The following PTPN3 variants were observed in gnomAD, a reference collection of about 807,000 sequenced individuals.
The protein encoded by PTPN3 is tyrosine-protein phosphatase non-receptor type 3.
Under a neutral mutation model 132.7 loss-of-function variants are expected in PTPN3, and 96 were observed. The ratio of observed to expected loss-of-function variants is 0.72; its 90% confidence interval spans 0.61 to 0.86. The LOEUF (loss-of-function observed/expected upper bound fraction) is 0.86, where lower values mean the gene tolerates loss of function less well. Ranked by LOEUF, PTPN3 falls within the 40% of genes least tolerant of loss-of-function variation. The pLI is 0.00. For synonymous variants in PTPN3, 398 were observed against 429.0 expected, an observed-to-expected ratio of 0.93 and a Z score of 0.89; for missense variants, 1,125 against 1,159.6, an observed-to-expected ratio of 0.97 and a Z score of 0.43.
chr9:109,383,401 T>G (rs1435766810), intron 23 of PTPN3, 22 bp downstream of exon 23: 23 of 1,613,720 alleles, frequency 1.4e-5, no homozygotes, highest in Non-Finnish European at 1.7e-5. Flanking sequence ...CCCTCCACCG[T>G]GCCCCTCAGG....
chr9:109,463,729 T>A (rs2132049518), intron 1 of PTPN3, among the ~76,000 whole-genome samples: 1 of 152,372 alleles, frequency 6.6e-6, no homozygotes, highest in South Asian at 2.1e-4. Context: ...CCCAGGCTTT[T>A]AAATTTTTAT....
At chr9:109,522,190 C>A in the PTPN3 span, among the ~76,000 whole-genome samples, 3 of 152,220 alleles carry the variant, frequency 2.0e-5, no homozygotes, top group African/African-American at 4.8e-5. Context: ...ACCAGGAGGG[C>A]AGCTATCTAG....
chr9:109,430,633 C>T (rs1216245168), intron 10 of PTPN3, among the ~76,000 whole-genome samples: 1 of 152,174 alleles, frequency 6.6e-6, no homozygotes, highest in African/African-American at 2.4e-5. Flanking sequence ...CCACTGCCAT[C>T]CAGAGGCTTA....
the PTPN3 span, among the ~76,000 whole-genome samples, chr9:109,508,164 CTT>C: frequency 6.7e-3 from 970 of 143,726 alleles, 12 homozygotes; most frequent in African/African-American, 0.021. Flanking sequence ...TTCTCTCTCT[CTT>C]TTTTTTTTTT....
chr9:109,433,854 G>A (rs980350995), intron 9 of PTPN3, among the ~76,000 whole-genome samples: 1 of 150,268 alleles, frequency 6.7e-6, no homozygotes, highest in African/African-American at 2.5e-5. Context: ...GCTGTTTGAG[G>A]CTGCAGTGAG....
At chr9:109,467,539 G>A (rs896124292) in intron 1 of PTPN3, among the ~76,000 whole-genome samples, 4 of 152,160 alleles carry the variant, frequency 2.6e-5, no homozygotes, top group African/African-American at 9.7e-5. Flanking sequence ...CGGAATCTAA[G>A]CCATGCACTA....
At chr9:109,526,625 C>T in the PTPN3 span, among the ~76,000 whole-genome samples, 1,153 of 152,130 alleles carry the variant, frequency 7.6e-3, 10 homozygotes, top group African/African-American at 0.026. Flanking sequence ...CAGTGGGCTG[C>T]GTTCATGCCA....
At chr9:109,498,466 G>C (rs1239478124), upstream of PTPN3, among the ~76,000 whole-genome samples, 3 of 151,614 alleles carry the variant, frequency 2.0e-5, no homozygotes, top group African/African-American at 7.2e-5. This position sits in a 1 kb window ranked among gnomAD's most constrained non-coding sequence, Gnocchi z 4.2. Flanking sequence ...GGGGCACCGG[G>C]GCTCTCCGCC....
intron 14 of PTPN3, among the ~76,000 whole-genome samples, chr9:109,411,169 G>A (rs982171278): frequency 6.6e-6 from 1 of 152,228 alleles, no homozygotes; most frequent in East Asian, 1.9e-4. Context: ...AGGAAGTCCT[G>A]CTGGACAGCG....
At chr9:109,536,356 A>G in the PTPN3 span, among the ~76,000 whole-genome samples, 1 of 152,204 alleles carries the variant, frequency 6.6e-6, no homozygotes, top group African/African-American at 2.4e-5. Flanking sequence ...CCTTTTGGGT[A>G]TATACCTACA....
At chr9:109,460,272 A>C (rs1309320421) in intron 2 of PTPN3, among the ~76,000 whole-genome samples, 5 of 151,850 alleles carry the variant, frequency 3.3e-5, no homozygotes, top group Non-Finnish European at 5.9e-5. Context: ...TATTGACTCC[A>C]CCTTCAAAGT....
rs907013565 is a variant in PTPN3, at chr9:109,382,376, G to C, written c.2454C>G (p.Ser818=). The C allele has an allele frequency of 1.2e-6, 2 of 1,614,116 alleles. No homozygotes were observed. The highest frequency in any genetic ancestry group is 8.5e-7 in the Non-Finnish European group (1 of 1,179,942). ...AWPDHGVPDD[S]SDFLEFVNYV... ...AGTTTACAAATTCCAGAAAGTCGGAGGAGTCATCGGGCACACCGTGGTCAG... is the reference window on the plus strand; with the variant it reads ...AGTTTACAAATTCCAGAAAGTCGGACGAGTCATCGGGCACACCGTGGTCAG... The change falls in exon 24 of 26, where the codon TCC becomes TCG. Residue 818 remains serine, a synonymous_variant. Transcript: ENST00000374541.
chr9:109,404,675 C>T (rs1404310366), intron 18 of PTPN3, 67 bp from the exon 19 acceptor site: 5 of 1,345,590 alleles, frequency 3.7e-6, no homozygotes, highest in South Asian at 5.5e-5. Flanking sequence ...CTCCCTCAAA[C>T]AAATCACACC....
chr9:109,436,236 G>A (rs1844040661), intron 9 of PTPN3, among the ~76,000 whole-genome samples: 1 of 152,266 alleles, frequency 6.6e-6, no homozygotes, highest in Non-Finnish European at 1.5e-5. Context: ...GACAGTGAGG[G>A]GTCATGTGCT....
rs973638593 is a variant in PTPN3 at position 109,416,606 on chromosome 9, C to T, written c.1313+3818G>A. Among the ~76,000 whole-genome samples, 13 of 151,906 alleles carry T rather than the reference C, an allele frequency of 8.6e-5. No homozygotes were observed. The East Asian group carries it at 1.4e-3, about 16-fold the overall frequency. Reference sequence around the variant, plus strand: ...GACAACACGCAGACAACATCGTGCCCGCCTAATTTTTGCATTTTTTTGTAG... The same window carrying T: ...GACAACACGCAGACAACATCGTGCCTGCCTAATTTTTGCATTTTTTTGTAG... On this transcript the variant is annotated intron_variant, in intron 14 of 25. Coordinates refer to ENST00000374541, the MANE Select transcript of PTPN3 (RefSeq NM_002829.4).
chr9:109,389,453 T>G, intron 21 of PTPN3, 74 bp from the exon 22 acceptor site: 3 of 1,437,138 alleles, frequency 2.1e-6, no homozygotes, highest in Non-Finnish European at 2.8e-6. Context: ...TTTAAACTAT[T>G]CTACTTGCTA....
At chr9:109,380,544 C>A (rs752741011) in intron 25 of PTPN3, among the ~76,000 whole-genome samples, 1 of 152,238 alleles carries the variant, frequency 6.6e-6, no homozygotes, top group Non-Finnish European at 1.5e-5. Flanking sequence ...GCGTGAGCCA[C>A]CGTGCCCAGC....
In PTPN3 at chr9:109,383,503, C is replaced by T. The variant is rs767031759; in HGVS notation, c.2302G>A (p.Gly768Ser). ...GACTGACACTGGATGTGAAAGCCGC[C>T]GTGGTTCATGACGTCGGGGGGATCT... ...WPDPPDVMNH[G>S]GFHIQCQSED... The change falls in exon 23 of 26, where the codon GGC becomes AGC. Residue 768 changes from glycine to serine, a missense_variant. By Grantham distance (56) the Gly-to-Ser change is moderately conservative (BLOSUM62 0). Transcript: ENST00000374541. The T allele has an allele frequency of 2.4e-5, 39 of 1,614,006 alleles. No homozygotes were observed. The highest frequency in any genetic ancestry group is 3.1e-5 in the Non-Finnish European group (37 of 1,179,992).
intron 2 of PTPN3, among the ~76,000 whole-genome samples, chr9:109,458,908 G>T (rs10816815): frequency 2.0e-5 from 3 of 151,996 alleles, no homozygotes; most frequent in Admixed American, 1.3e-4. Flanking sequence ...TTATGCCAAT[G>T]TGCTTTTTAT....
Sources: gnomAD v4.1 joint callset for allele counts (sites outside exome capture counted in the v4.1 genomes callset) on GRCh38, gnomAD v4.1.1 for gene constraint, Gnocchi (gnomAD v3.1) non-coding constraint, MANE v1.5 for transcripts, NCBI Gene and HGNC (gene_info 2026-07-23, HGNC 2026-07-21) for gene names.